The following ANKRD26 variants were observed in gnomAD, a reference collection of about 807,000 sequenced individuals.
The protein encoded by ANKRD26 is ankyrin repeat domain 26, also known as ankyrin repeat domain-containing protein 26.
Under a neutral mutation model 208.7 loss-of-function variants are expected in ANKRD26, and 141 were observed. The ratio of observed to expected loss-of-function variants is 0.68; its 90% CI spans 0.59 to 0.78. The LOEUF (loss-of-function observed/expected upper bound fraction) is 0.78, where lower values mean the gene tolerates loss of function less well. Ranked by LOEUF, ANKRD26 falls within the 30% of genes least tolerant of loss-of-function variation. The pLI is 0.00. For missense variants in ANKRD26, 1,889 were observed against 1,938.7 expected (o/e 0.97, Z 0.48); for synonymous variants, 636 against 660.4 (o/e 0.96, Z 0.57).
At chr10:27,023,052 G>GGA (rs1297583521) in intron 28 of ANKRD26, among the ~76,000 whole-genome samples, 1 of 152,174 alleles carries the variant, frequency 6.6e-6, no homozygotes, top group Non-Finnish European at 1.5e-5. Flanking sequence ...TACTTAGGCT[G>GGA]GACCAGTGGC....
chr10:27,035,614 G>A lies in ANKRD26; in HGVS notation c.2836C>T (p.Leu946Phe). The A allele has an allele frequency of 6.2e-7, 1 of 1,602,068 alleles. No individual in the cohort carries two copies. Among genetic ancestry groups the A allele is most frequent in the Non-Finnish European group, 8.5e-7 (1 of 1,176,184 alleles). Residue 946 changes from leucine (L) to phenylalanine (F), a missense_variant, in exon 24 of 34, where the codon CTT becomes TTT. Leu to Phe is a conservative substitution (Grantham distance 22, BLOSUM62 0). Around this residue, in one of 3 missense-constraint regions of ANKRD26, gnomAD observed 1,272 missense variants for 1,273.8 expected, o/e 1.00. Coordinates refer to ENST00000376087, the MANE Select transcript of ANKRD26 (RefSeq NM_014915.3). ...TCATTCTTTTCTTTTACAATTTTAA[G>A]GTCCTCAAAACATTTCTTTTCTTTT... ...QEKEKKCFED[L>F]KIVKEKNEDL...
chr10:27,047,740 AT>A (rs2054508159), intron 17 of ANKRD26, among the ~76,000 whole-genome samples: 5 of 35,666 alleles, frequency 1.4e-4, no homozygotes, highest in African/African-American at 2.6e-4. Flanking sequence ...AATAATAATA[AT>A]TATTATTATT....
chr10:27,068,339 C>T (rs2055342193), intron 9 of ANKRD26, among the ~76,000 whole-genome samples: 1 of 152,186 alleles, frequency 6.6e-6, no homozygotes, highest in African/African-American at 2.4e-5. Flanking sequence ...TTTTGCCTTC[C>T]ACCATGATTG....
At chr10:27,058,343 T>C (rs1038482790) in intron 15 of ANKRD26, among the ~76,000 whole-genome samples, 4 of 152,236 alleles carry the variant, frequency 2.6e-5, no homozygotes, top group Non-Finnish European at 4.4e-5. Flanking sequence ...CACTCTCATT[T>C]TCTGAGAAGT....
intron 16 of ANKRD26, chr10:27,051,190 CACGTGGTGGAGAAGA>C (rs1205206113): frequency 1.6e-6 from 2 of 1,289,768 alleles, no homozygotes; most frequent in Non-Finnish European, 2.0e-6. Flanking sequence ...GTTCTGTCAC[CACGTGGTGGAGAAGA>C]CCTCACATTT....
chr10:26,977,946 C>A lies in ANKRD26; in HGVS notation c.*282-1904G>T, dbSNP rs76776378. Among the ~76,000 whole-genome samples, 728 of 151,764 alleles carry A rather than the reference C, an allele frequency of 4.8e-3. 7 individuals carry two copies. Among genetic ancestry groups the A allele is most frequent in the African/African-American group, 0.016 (668 of 41,366 alleles). On this transcript the variant is annotated intron_variant and NMD_transcript_variant, in intron 5 of 5. Transcript: ENST00000674670. ...AACAAAACAAAACAAACAACAACAA[C>A]AAAAAAAACAGGCTCCCAAATTCCC...
At chr10:27,061,026 T>A (rs1366509844) in intron 13 of ANKRD26, 118 bp downstream of exon 13, 1 of 797,982 alleles carries the variant, frequency 1.3e-6, no homozygotes, top group Non-Finnish European at 2.2e-6. Context: ...ACAGTTATGA[T>A]GCCACTTTAC....
At chr10:26,971,047 T>C (rs184304317), downstream of ANKRD26, among the ~76,000 whole-genome samples, 33 of 152,272 alleles carry the variant, frequency 2.2e-4, no homozygotes, top group African/African-American at 6.7e-4. Flanking sequence ...AATAGCATGT[T>C]GAGAAGAAAT....
Position 27,049,989 on chromosome 10 carries a change from G to A in ANKRD26, c.1636-1010C>T, listed in dbSNP as rs192346778. Among the ~76,000 whole-genome samples the A allele has an allele frequency of 6.2e-4, 94 of 152,052 alleles. 1 individual carries two copies. In the East Asian group the frequency reaches 0.016, roughly 25 times the overall value. ...TGTAATCCCAGCACTTTGGGAGGCC[G>A]AGGTGCGTGGATCATGAGGTCAGGA... On this transcript the variant is annotated intron_variant, in intron 16 of 33. Coordinates refer to ENST00000376087, the MANE Select transcript of ANKRD26 (RefSeq NM_014915.3).
intron 29 of ANKRD26, among the ~76,000 whole-genome samples, chr10:27,020,268 A>T (rs926475967): frequency 6.6e-6 from 1 of 152,182 alleles, no homozygotes; most frequent in Non-Finnish European, 1.5e-5. Flanking sequence ...CACCTCAAAC[A>T]TTTATCATTT....
intron 4 of ANKRD26, among the ~76,000 whole-genome samples, 186 bp from the exon 5 acceptor site, chr10:27,086,795 A>T (rs1350710240): frequency 1.7e-5 from 2 of 114,680 alleles, no homozygotes; most frequent in Non-Finnish European, 3.4e-5. Flanking sequence ...TTTTTGAGAC[A>T]GAGTCTTACT....
chr10:26,999,338 G>A (rs75213556), downstream of ANKRD26, among the ~76,000 whole-genome samples: 3,037 of 152,206 alleles, frequency 0.02, 156 homozygotes, highest in East Asian at 0.16. Flanking sequence ...TTTTTGTTGC[G>A]CAGCTGCTGG....
intron 1 of ANKRD26, among the ~76,000 whole-genome samples, chr10:27,099,730 T>C (rs776020639): frequency 2.0e-5 from 3 of 152,276 alleles, no homozygotes; most frequent in African/African-American, 7.2e-5. Flanking sequence ...TGCTATATTA[T>C]GGAAACTGCT....
chr10:26,948,423 C>T, the ANKRD26 span, among the ~76,000 whole-genome samples: 1 of 152,188 alleles, frequency 6.6e-6, no homozygotes, highest in Non-Finnish European at 1.5e-5. Context: ...TCTCAGACTT[C>T]ATTCGGGAAA....
intron 7 of ANKRD26, among the ~76,000 whole-genome samples, chr10:27,078,511 A>G (rs1564419864): frequency 1.3e-5 from 2 of 152,216 alleles, no homozygotes; most frequent in Admixed American, 1.3e-4. Context: ...GAAAGGCTTT[A>G]AGTATACTAA....
the ANKRD26 span, among the ~76,000 whole-genome samples, chr10:26,959,509 A>G: frequency 1.3e-5 from 2 of 152,230 alleles, no homozygotes; most frequent in African/African-American, 2.4e-5. Context: ...ACATAAGTAG[A>G]TAAGTAGAAC....
At chr10:26,959,663 A>G in the ANKRD26 span, among the ~76,000 whole-genome samples, 2 of 146,392 alleles carry the variant, frequency 1.4e-5, no homozygotes, top group Admixed American at 1.4e-4. Context: ...TTTTTTTAGT[A>G]GAGACGGGGT....
chr10:27,082,072 AAAGGG>A lies in ANKRD26; in HGVS notation c.740+726_740+730del, dbSNP rs2055938582. Reference sequence around the variant, plus strand: ...TTTAAAAAAAAAAAAAAAAAAAAAAAAAGGGAGAGAGAGAAACAAAATCATATCCT... The same window carrying A: ...TTTAAAAAAAAAAAAAAAAAAAAAAAAGAGAGAGAAACAAAATCATATCCT... On this transcript the variant is annotated intron_variant, in intron 6 of 33. Transcript: ENST00000376087. Among the ~76,000 whole-genome samples the A allele has an allele frequency of 9.2e-5, 3 of 32,710 alleles. No individual in the cohort carries two copies. The Admixed American group carries it at 9.3e-4, about 10-fold the overall frequency. 21.5% of individuals were successfully genotyped at this position (32,710 alleles called of 152,430 possible).
At chr10:26,980,587 C>G (rs3740229) in exon 5 of ANKRD26, among the ~76,000 whole-genome samples, 2,555 of 152,332 alleles carry the variant, frequency 0.017, 159 homozygotes, top group East Asian at 0.16. Flanking sequence ...TGTTACTGGT[C>G]ATTCCCTATA....
Sources: allele counts gnomAD v4.1 joint callset (sites outside exome capture counted in the v4.1 genomes callset), GRCh38; gene constraint gnomAD v4.1.1; regional missense constraint gnomAD v4.1.1; transcripts MANE v1.5; gene names NCBI Gene and HGNC (gene_info 2026-07-23, HGNC 2026-07-21).